The following MICAL2 variants were observed in gnomAD, a reference collection of about 807,000 sequenced individuals.
The protein encoded by MICAL2 is [F-actin]-monooxygenase MICAL2.
A neutral mutation model predicts 127.3 loss-of-function variants in MICAL2; 77 were observed. The observed-to-expected ratio is 0.60, with a 90% CI of 0.50 to 0.73. MICAL2 has a LOEUF of 0.73. Among genes scored for constraint, MICAL2 ranks in the 30% least tolerant of loss-of-function variants. The pLI is 0.00. For missense variants in MICAL2, 1,351 were observed against 1,434.4 expected, an observed-to-expected ratio of 0.94 and a Z score of 0.94; for synonymous variants, 570 against 551.1, an observed-to-expected ratio of 1.03 and a Z score of -0.48.
chr11:12,352,646 T>A (rs1939069541), intron 33 of MICAL2, among the ~76,000 whole-genome samples: 1 of 152,250 alleles, frequency 6.6e-6, no homozygotes, highest in African/African-American at 2.4e-5. Flanking sequence ...GTCTTATTGG[T>A]ATCTTGATTC....
At position 12,227,242 on chromosome 11, in the gene MICAL2, G is replaced by T; in HGVS notation, c.1995+111G>T. On this transcript the variant is annotated intron_variant, in intron 15 of 27. Transcript: ENST00000683283. ...TGAGGCTAGTAAGTTACATGGATCA[G>T]GCGCTCCCGGAAGATGCTAGTAAAA... is the stretch of plus-strand genomic sequence containing the variant. 3 of 749,816 alleles carry T rather than the reference G, an allele frequency of 4.0e-6. No homozygotes were observed. In the South Asian group the frequency reaches 5.3e-5, roughly 13 times the overall value. The allele number at this position is 749,816 out of a possible 1,614,324, so 46.4% of individuals were successfully genotyped here.
At chr11:12,338,454 G>A (rs12283254) in intron 32 of MICAL2, among the ~76,000 whole-genome samples, 11,806 of 151,974 alleles carry the variant, frequency 0.078, 681 homozygotes, top group African/African-American at 0.15. Context: ...GCCCATTTAC[G>A]TTTAAGGGTA....
In MICAL2 at chr11:12,110,856, C is replaced by G. The variant is rs1422723545; in HGVS notation, c.-149+130C>G. 1 of 152,236 alleles carries G rather than the reference C, an allele frequency of 6.6e-6. No homozygotes were observed. The highest frequency in any genetic ancestry group is 1.5e-5 in the Non-Finnish European group (1 of 68,118). 9.4% of individuals were successfully genotyped at this position (152,236 alleles called of 1,614,324 possible). On this transcript the variant is annotated intron_variant, in intron 1 of 27. Transcript: ENST00000683283. The surrounding 1 kb of genome is among the most constrained non-coding windows in gnomAD (Gnocchi z 4.5). Reference sequence around the variant, plus strand: ...GGGTCAGGTGCGGCCGCAGCATCCCCCGCCTCAAACCCACCCGGCGGGGCG... The same window carrying G: ...GGGTCAGGTGCGGCCGCAGCATCCCGCGCCTCAAACCCACCCGGCGGGGCG...
chr11:12,161,467 T>C (rs1398363029), intron 2 of MICAL2: 2 of 152,502 alleles, frequency 1.3e-5, no homozygotes, highest in African/African-American at 2.4e-5. Flanking sequence ...TTCCAGCTGA[T>C]ACCAGGAGCA....
chr11:12,287,619 GCA>G (rs898297440), downstream of MICAL2, among the ~76,000 whole-genome samples: 1 of 151,750 alleles, frequency 6.6e-6, no homozygotes, highest in Non-Finnish European at 1.5e-5. Flanking sequence ...ACATGCACAC[GCA>G]CACACACTCA....
intron 1 of MICAL2, among the ~76,000 whole-genome samples, chr11:12,117,121 A>G (rs1010833405): frequency 6.6e-6 from 1 of 152,194 alleles, no homozygotes; most frequent in Non-Finnish European, 1.5e-5. Context: ...TTGATGAATT[A>G]CAGAGGTAAG....
At chr11:12,348,499 T>C (rs1300607444) in intron 32 of MICAL2, among the ~76,000 whole-genome samples, 1 of 152,158 alleles carries the variant, frequency 6.6e-6, no homozygotes, top group Non-Finnish European at 1.5e-5. Context: ...CCTCCATAAA[T>C]ACTGAGAGAT....
downstream of MICAL2, chr11:12,358,828 T>A (rs2134917085): frequency 6.2e-6 from 1 of 162,430 alleles, no homozygotes; most frequent in South Asian, 2.0e-4. Flanking sequence ...ATTCATTGAG[T>A]TACATACTTT....
At position 12,190,316 on chromosome 11, in the gene MICAL2, G is replaced by A. The variant is rs768726913; in HGVS notation, c.265-13934G>A. On this transcript the variant is annotated intron_variant, in intron 3 of 27. Transcript: ENST00000683283. ...GAATCAGGGTTTTGGACTCTCCTAC[G>A]TAACCATCTTCTGTGGGTTGGATAT... Among the ~76,000 whole-genome samples, 62 of 152,158 alleles carry A rather than the reference G, an allele frequency of 4.1e-4. No individual in the cohort carries two copies. In the Middle Eastern group the frequency reaches 0.01, roughly 25 times the overall value.
intron 32 of MICAL2, among the ~76,000 whole-genome samples, chr11:12,346,594 A>G (rs1392544850): frequency 6.6e-6 from 1 of 152,088 alleles, no homozygotes; most frequent in East Asian, 1.9e-4. Context: ...ATCCATTTAG[A>G]CTGAGTGCAC....
intron 7 of MICAL2, among the ~76,000 whole-genome samples, chr11:12,215,762 G>T (rs74754239): frequency 0.076 from 11,615 of 152,266 alleles, 545 homozygotes; most frequent in Non-Finnish European, 0.098. Context: ...TACAAGCCGG[G>T]AAACAGTAGA....
At chr11:12,226,141 G>C in intron 13 of MICAL2, 30 bp from the exon 14 acceptor site, 1 of 1,612,328 alleles carries the variant, frequency 6.2e-7, no homozygotes, top group Non-Finnish European at 8.5e-7. Flanking sequence ...TCCTCTCCCT[G>C]AATTTCTCTG....
At chr11:12,349,314 T>A (rs776598818) in intron 32 of MICAL2, among the ~76,000 whole-genome samples, 9 of 152,146 alleles carry the variant, frequency 5.9e-5, no homozygotes, top group Non-Finnish European at 8.8e-5. Flanking sequence ...TTATTATTAT[T>A]TGGCTTTTCT....
In MICAL2 at chr11:12,208,131, A is replaced by G; in HGVS notation, c.581A>G (p.Glu194Gly). The change falls in exon 5 of 28, where the codon GAA becomes GGA. Residue 194 changes from glutamate to glycine, a missense_variant. Glu to Gly is a moderately conservative substitution (Grantham distance 98). Coordinates refer to ENST00000683283, the MANE Select transcript of MICAL2 (RefSeq NM_001282663.2). The part of the protein sequence containing the change: ...VKVLEPPEDQ[E>G]NQKIGWRAEF... ...GTTCTAGAGCCTCCTGAAGATCAAG[A>G]AAATCAAAGTACAGTATAATTTTCT... 1 of 1,611,034 alleles carries G rather than the reference A, an allele frequency of 6.2e-7. No individual in the cohort carries two copies. Among genetic ancestry groups the G allele is most frequent in the East Asian group, 2.2e-5 (1 of 44,876 alleles).
chr11:12,309,721 T>A (rs113643916), intron 29 of MICAL2, among the ~76,000 whole-genome samples: 4 of 152,330 alleles, frequency 2.6e-5, no homozygotes, highest in African/African-American at 9.6e-5. Context: ...ATGGTAATTC[T>A]GTTTTTAGTT....
At chr11:12,213,135 A>G (rs1386491158) in intron 6 of MICAL2, 120 bp from the exon 7 acceptor site, 18 of 1,194,844 alleles carry the variant, frequency 1.5e-5, no homozygotes, top group Non-Finnish European at 2.0e-5. Context: ...TCCACTAGAG[A>G]TCCAGAATCC....
downstream of MICAL2, among the ~76,000 whole-genome samples, chr11:12,287,693 G>C (rs1863843525): frequency 6.6e-6 from 1 of 152,192 alleles, no homozygotes; most frequent in Non-Finnish European, 1.5e-5. Flanking sequence ...CTTGGTCCCA[G>C]TGTCCTGGGG....
chr11:12,251,365 G>A (rs1029105691), intron 22 of MICAL2, among the ~76,000 whole-genome samples: 13 of 151,870 alleles, frequency 8.6e-5, no homozygotes, highest in African/African-American at 2.7e-4. Context: ...TGATGCCCAG[G>A]GCAACATTCA....
intron 32 of MICAL2, among the ~76,000 whole-genome samples, chr11:12,346,885 T>C (rs1439346637): frequency 6.6e-6 from 1 of 152,110 alleles, no homozygotes; most frequent in African/African-American, 2.4e-5. Context: ...AACACCTTAT[T>C]TCCCTCCCTC....
Sources: allele counts gnomAD v4.1 joint callset (sites outside exome capture counted in the v4.1 genomes callset), GRCh38; gene constraint gnomAD v4.1.1; non-coding constraint Gnocchi (gnomAD v3.1); transcripts MANE v1.5; gene names NCBI Gene and HGNC (gene_info 2026-07-23, HGNC 2026-07-21).